Variants in PTPRD observed in about 807,000 individuals in gnomAD.
PTPRD encodes the protein protein tyrosine phosphatase receptor type D.
PTPRD carries 34 observed loss-of-function variants against 214.5 expected under a neutral mutation model. The ratio of observed to expected loss-of-function variants is 0.16; its 90% CI spans 0.12 to 0.21. The LOEUF (loss-of-function observed/expected upper bound fraction) is 0.21. Ranked by LOEUF, PTPRD falls within the 10% of genes least tolerant of loss-of-function variation. PTPRD has a pLI of 1.00. For synonymous variants in PTPRD, 1,128 were observed against 845.7 expected (o/e 1.33, Z -5.79); for missense variants, 2,545 against 2,398.7 (o/e 1.06, Z -1.27).
rs1821168809 is a variant in PTPRD, at chr9:8,315,518, C to CAAACT, written c.*2351_*2355dup. On this transcript the variant is annotated 3_prime_UTR_variant, in exon 46 of 46. Transcript: ENST00000381196. ...ACTTGGATAAATCTCCAAAAAGATA[C>CAAACT]AAACTAAAAGAAAATAATGATAACA... 4.3e-6 allele frequency: 1 copy of CAAACT among 231,734 alleles called. No individual in the cohort carries two copies. Among genetic ancestry groups the CAAACT allele is most frequent in the Admixed American group, 5.7e-5 (1 of 17,688 alleles). 14.4% of individuals were successfully genotyped at this position (231,734 alleles called of 1,614,324 possible).
intron 2 of PTPRD, among the ~76,000 whole-genome samples, chr9:10,479,376 G>A (rs1953594): frequency 0.45 from 67,556 of 151,798 alleles, 16,973 homozygotes; most frequent in Admixed American, 0.59. Flanking sequence ...GGAGATGCTT[G>A]TAATACATCA....
chr9:9,207,282 C>G (rs749229890), intron 9 of PTPRD, among the ~76,000 whole-genome samples: 1 of 151,894 alleles, frequency 6.6e-6, no homozygotes, highest in African/African-American at 2.4e-5. Flanking sequence ...AATAGACAAC[C>G]GCATGGAGAC....
At chr9:8,871,818 G>A (rs1040180433) in intron 11 of PTPRD, among the ~76,000 whole-genome samples, 6 of 151,992 alleles carry the variant, frequency 3.9e-5, no homozygotes, top group East Asian at 1.9e-4. Context: ...TCAAAATTTC[G>A]TGTGACATTT....
At chr9:8,459,985 A>C (rs1391465540) in intron 33 of PTPRD, among the ~76,000 whole-genome samples, 1 of 152,108 alleles carries the variant, frequency 6.6e-6, no homozygotes, top group Non-Finnish European at 1.5e-5. Context: ...ACTTGCGCAA[A>C]TTAGAATTAT....
At chr9:9,748,461 G>A (rs1349491897) in intron 6 of PTPRD, among the ~76,000 whole-genome samples, 2 of 152,134 alleles carry the variant, frequency 1.3e-5, no homozygotes, top group East Asian at 3.9e-4. Context: ...GACGAAAAAA[G>A]ATCTGTCAAT....
chr9:9,302,452 A>G (rs534840027), intron 9 of PTPRD, among the ~76,000 whole-genome samples: 2 of 146,424 alleles, frequency 1.4e-5, no homozygotes, highest in African/African-American at 5.1e-5. Flanking sequence ...TGAGATGTAC[A>G]GGACAAAGTT....
chr9:9,230,482 G>C (rs1358997310), intron 9 of PTPRD, among the ~76,000 whole-genome samples: 1 of 152,114 alleles, frequency 6.6e-6, no homozygotes. Context: ...GAATAGGGTT[G>C]TAGAAATCCC....
At chr9:8,874,648 T>A (rs1012019021) in intron 11 of PTPRD, among the ~76,000 whole-genome samples, 1 of 152,190 alleles carries the variant, frequency 6.6e-6, no homozygotes, top group Non-Finnish European at 1.5e-5. Flanking sequence ...GGAAATTGCA[T>A]TGGAGTTGAG....
At chr9:10,045,264 G>T (rs2097367929) in intron 3 of PTPRD, among the ~76,000 whole-genome samples, 3 of 151,360 alleles carry the variant, frequency 2.0e-5, no homozygotes, top group African/African-American at 4.8e-5. Flanking sequence ...ATATTTTTTT[G>T]GAAAAACATT....
chr9:9,925,740 C>A (rs2084056572), intron 5 of PTPRD, among the ~76,000 whole-genome samples: 1 of 150,508 alleles, frequency 6.6e-6, no homozygotes, highest in Admixed American at 6.6e-5. Context: ...TTCTATGCAC[C>A]TTTTTTCCTT....
At chr9:8,429,898 A>G (rs1346858551) in intron 35 of PTPRD, among the ~76,000 whole-genome samples, 6 of 152,212 alleles carry the variant, frequency 3.9e-5, no homozygotes, top group Non-Finnish European at 1.5e-5. Flanking sequence ...GAGTTAATAC[A>G]TAGCTTTAAG....
chr9:9,352,283 T>C (rs2051546932), intron 9 of PTPRD, among the ~76,000 whole-genome samples: 1 of 150,952 alleles, frequency 6.6e-6, no homozygotes. Flanking sequence ...TGATAGCTCG[T>C]AAACACAAAC....
chr9:10,487,335 TTTG>T (rs1318183416), intron 2 of PTPRD, among the ~76,000 whole-genome samples: 1 of 152,188 alleles, frequency 6.6e-6, no homozygotes, highest in Non-Finnish European at 1.5e-5. Flanking sequence ...TGCCATTTTG[TTTG>T]TTGTTTTCTG....
intron 37 of PTPRD, among the ~76,000 whole-genome samples, chr9:8,381,781 G>C (rs983417379): frequency 6.6e-6 from 1 of 152,112 alleles, no homozygotes; most frequent in African/African-American, 2.4e-5. Flanking sequence ...ATTCCCTTTT[G>C]TTTGATGTGT....
chr9:8,533,730 G>A (rs2076266924), intron 14 of PTPRD, among the ~76,000 whole-genome samples: 1 of 151,978 alleles, frequency 6.6e-6, no homozygotes, highest in South Asian at 2.1e-4. Flanking sequence ...AAGCTCACAG[G>A]AGGGCAGGAG....
At chr9:8,517,724 T>C (rs1014954517) in intron 21 of PTPRD, 124 bp downstream of exon 21, 4 of 777,130 alleles carry the variant, frequency 5.1e-6, no homozygotes, top group Admixed American at 2.9e-5. Flanking sequence ...ATCTGTTGCT[T>C]TGAAGCCCTA....
intron 3 of PTPRD, among the ~76,000 whole-genome samples, chr9:10,271,429 T>C (rs556679843): frequency 1.0e-3 from 158 of 151,434 alleles, no homozygotes; most frequent in African/African-American, 3.7e-3. Flanking sequence ...TCAAAGAACA[T>C]TGAACTTCAC....
intron 9 of PTPRD, among the ~76,000 whole-genome samples, chr9:9,215,048 T>C (rs941602479): frequency 1.3e-5 from 2 of 152,218 alleles, no homozygotes; most frequent in African/African-American, 4.8e-5. Flanking sequence ...TGCTACTGTT[T>C]GGCCTACTTT....
chr9:9,541,665 A>T (rs1490889207), intron 8 of PTPRD, among the ~76,000 whole-genome samples: 1 of 151,874 alleles, frequency 6.6e-6, no homozygotes, highest in South Asian at 2.1e-4. Context: ...ATCCAGCCAC[A>T]AACATTTCCC....
Sources: allele counts gnomAD v4.1 joint callset (sites outside exome capture counted in the v4.1 genomes callset), GRCh38; gene constraint gnomAD v4.1.1; transcripts MANE v1.5; gene names NCBI Gene and HGNC (gene_info 2026-07-23, HGNC 2026-07-21).